Variants in PBX3 observed in about 807,000 individuals in gnomAD.
The protein encoded by PBX3 is pre-B-cell leukemia transcription factor 3.
Under a neutral mutation model 48.5 loss-of-function variants are expected in PBX3, and 14 were observed. The ratio of observed to expected loss-of-function variants is 0.29; its 90% CI spans 0.19 to 0.45. The LOEUF (loss-of-function observed/expected upper bound fraction) is 0.45, where lower values mean the gene tolerates loss of function less well. Ranked by LOEUF, PBX3 falls within the 20% of genes least tolerant of loss-of-function variation. The pLI is 1.00. For synonymous variants in PBX3, 210 were observed against 200.3 expected, an observed-to-expected ratio of 1.05 and a Z score of -0.41; for missense variants, 386 against 546.7, an observed-to-expected ratio of 0.71 and a Z score of 2.93.
intron 2 of PBX3, among the ~76,000 whole-genome samples, chr9:125,780,805 G>A (rs1837266951): frequency 6.7e-6 from 1 of 148,534 alleles, no homozygotes; most frequent in Non-Finnish European, 1.5e-5. Context: ...CGGACGGGGC[G>A]GCTGCCGGGC....
At chr9:125,930,762 A>G (rs1841695932) in intron 4 of PBX3, among the ~76,000 whole-genome samples, 1 of 152,186 alleles carries the variant, frequency 6.6e-6, no homozygotes, top group Non-Finnish European at 1.5e-5. Context: ...AGTACCTACT[A>G]GTCTCCCTGT....
intron 1 of PBX3, chr9:125,748,103 G>C: frequency 2.8e-6 from 1 of 352,576 alleles, no homozygotes; most frequent in Non-Finnish European, 4.0e-6. Flanking sequence ...TCCCTGGCGG[G>C]TCCGGGTGCG....
intron 2 of PBX3, among the ~76,000 whole-genome samples, chr9:125,802,949 G>C (rs1169865323): frequency 6.6e-6 from 1 of 152,110 alleles, no homozygotes; most frequent in East Asian, 1.9e-4. Context: ...AAAGTGCTGG[G>C]ATTACAGGCG....
chr9:125,946,845 C>T (rs917410015), intron 5 of PBX3, among the ~76,000 whole-genome samples: 1 of 152,030 alleles, frequency 6.6e-6, no homozygotes, highest in Non-Finnish European at 1.5e-5. Flanking sequence ...TAGCAAATTC[C>T]AAGCCCTAGA....
chr9:125,867,167 C>T (rs1014080767), intron 2 of PBX3, among the ~76,000 whole-genome samples: 16 of 151,976 alleles, frequency 1.1e-4, no homozygotes, highest in African/African-American at 3.9e-4. Context: ...GCATTTCACC[C>T]TACATTGATG....
chr9:125,776,803 C>CA (rs1837084033), intron 2 of PBX3, among the ~76,000 whole-genome samples: 2 of 152,088 alleles, frequency 1.3e-5, no homozygotes, highest in East Asian at 3.9e-4. Context: ...CTCAGCTTCT[C>CA]AAAGTTCTGG....
intron 2 of PBX3, among the ~76,000 whole-genome samples, chr9:125,872,736 G>A (rs1453842727): frequency 6.6e-6 from 1 of 151,542 alleles, no homozygotes; most frequent in African/African-American, 2.4e-5. Flanking sequence ...CTCCAGCCTA[G>A]GTGAAAGAGT....
chr9:125,896,418 C>A (rs373662703), intron 2 of PBX3, among the ~76,000 whole-genome samples: 1 of 152,052 alleles, frequency 6.6e-6, no homozygotes, highest in East Asian at 1.9e-4. Context: ...GTGGAAATTT[C>A]CAACTCAAAG....
At chr9:125,924,064 C>T (rs1022901822) in intron 3 of PBX3, among the ~76,000 whole-genome samples, 1 of 147,526 alleles carries the variant, frequency 6.8e-6, no homozygotes, top group South Asian at 2.2e-4. Flanking sequence ...GAGATGAGAT[C>T]TTGCTGTGTT....
chr9:125,852,235 G>A (rs1839603734), intron 2 of PBX3, among the ~76,000 whole-genome samples: 1 of 152,080 alleles, frequency 6.6e-6, no homozygotes, highest in South Asian at 2.1e-4. Flanking sequence ...CCTTGGCAAA[G>A]GAATGATGCT....
chr9:125,951,925 A>C (rs919247845), intron 5 of PBX3, among the ~76,000 whole-genome samples: 8 of 152,192 alleles, frequency 5.3e-5, no homozygotes, highest in Admixed American at 3.9e-4. Flanking sequence ...GAGGGAGAAG[A>C]CTGGTGTGAA....
chr9:125,965,883 C>T lies in PBX3; in HGVS notation c.1265C>T (p.Thr422Ile). ...ACTCCATCTTCTGTGACTTCTCCTACAGAAGGCCCAGGAAGTGTGCACTCG... is the reference window on the plus strand; with the variant it reads ...ACTCCATCTTCTGTGACTTCTCCTATAGAAGGCCCAGGAAGTGTGCACTCG... ...ATTPSSVTSP[T>I]EGPGSVHSDT... Residue 422 changes from threonine (T) to isoleucine (I), a missense_variant, in exon 9 of 9, where the codon ACA becomes ATA. By Grantham distance (89) the Thr-to-Ile change is moderately conservative. This residue lies in a region of PBX3 where 127 missense variants were observed against 143.3 expected (regional missense o/e 0.89). Transcript: ENST00000373489. The T allele has an allele frequency of 6.2e-7, 1 of 1,614,098 alleles. No individual in the cohort carries two copies. The highest frequency in any genetic ancestry group is 8.5e-7 in the Non-Finnish European group (1 of 1,179,940).
intron 2 of PBX3, among the ~76,000 whole-genome samples, chr9:125,850,111 T>C (rs1839538437): frequency 6.6e-6 from 1 of 152,076 alleles, no homozygotes; most frequent in Non-Finnish European, 1.5e-5. Flanking sequence ...TTAGTCTATT[T>C]CTTTTGATAA....
intron 2 of PBX3, among the ~76,000 whole-genome samples, chr9:125,806,285 G>A (rs1352472047): frequency 1.3e-5 from 2 of 152,184 alleles, no homozygotes; most frequent in Non-Finnish European, 2.9e-5. Flanking sequence ...GGTGGCTGGA[G>A]CAGAGGGAGG....
At chr9:125,924,597 T>C (rs1255597987) in intron 3 of PBX3, among the ~76,000 whole-genome samples, 1 of 152,376 alleles carries the variant, frequency 6.6e-6, no homozygotes, top group South Asian at 2.1e-4. Flanking sequence ...CTTGTACCTA[T>C]GTGTGCTTTT....
chr9:125,941,185 A>G (rs1301422716), intron 5 of PBX3, among the ~76,000 whole-genome samples: 1 of 152,194 alleles, frequency 6.6e-6, no homozygotes, highest in Non-Finnish European at 1.5e-5. Context: ...AAGGAGATGA[A>G]GGACAAGTCA....
chr9:125,793,366 A>AAAAAAATATAT (rs59271982), intron 2 of PBX3, among the ~76,000 whole-genome samples: 3 of 101,940 alleles, frequency 2.9e-5, no homozygotes, highest in African/African-American at 8.4e-5. Flanking sequence ...GGAAAAAAAA[A>AAAAAAATATAT]ATATATATAT....
intron 2 of PBX3, among the ~76,000 whole-genome samples, chr9:125,858,514 C>G (rs985892277): frequency 4.6e-5 from 7 of 151,832 alleles, no homozygotes; most frequent in Non-Finnish European, 1.5e-5. Context: ...AATCAATACA[C>G]TGGAATCAGT....
intron 6 of PBX3, among the ~76,000 whole-genome samples, chr9:125,961,276 C>T (rs988767038): frequency 1.3e-5 from 2 of 152,180 alleles, no homozygotes; most frequent in Non-Finnish European, 2.9e-5. Flanking sequence ...GCTTTCTGCC[C>T]AGCACCGCTG....
Sources: gnomAD v4.1 joint callset for allele counts (sites outside exome capture counted in the v4.1 genomes callset) on GRCh38, gnomAD v4.1.1 for gene constraint, gnomAD v4.1.1 regional missense constraint, MANE v1.5 for transcripts, NCBI Gene and HGNC (gene_info 2026-07-23, HGNC 2026-07-21) for gene names.